Variants in FMN2 observed in about 807,000 individuals in gnomAD.
FMN2 encodes formin-2.
FMN2 carries 51 observed loss-of-function variants against 142.3 expected under a neutral mutation model. The ratio of observed to expected loss-of-function variants is 0.36; its 90% CI spans 0.29 to 0.45. FMN2 has a LOEUF of 0.45. FMN2 is among the 20% of genes least tolerant of loss of function. The pLI, the probability that FMN2 is intolerant of heterozygous loss-of-function variation, is 1.00. For missense variants in FMN2, 1,936 were observed against 2,122.8 expected (o/e 0.91, Z 1.73); for synonymous variants, 882 against 869.8 (o/e 1.01, Z -0.25).
chr1:240,420,825 G>A (rs77051422), intron 15 of FMN2, among the ~76,000 whole-genome samples: 4 of 152,242 alleles, frequency 2.6e-5, no homozygotes, highest in East Asian at 3.9e-4. Context: ...TCTCAGTCCC[G>A]GTTCTCGCAG....
chr1:240,306,924 A>G (rs572664575), intron 8 of FMN2, among the ~76,000 whole-genome samples: 17 of 152,156 alleles, frequency 1.1e-4, no homozygotes, highest in Admixed American at 6.5e-4. Flanking sequence ...ATTTTTTGAC[A>G]TTTTAGTAAT....
chr1:240,434,188 C>T (rs1297767802), intron 15 of FMN2, among the ~76,000 whole-genome samples: 1 of 152,188 alleles, frequency 6.6e-6, no homozygotes, highest in East Asian at 1.9e-4. Flanking sequence ...CTTTTAACTA[C>T]TACCTCTTCA....
chr1:240,295,046 A>C (rs1306750370), intron 8 of FMN2, among the ~76,000 whole-genome samples, 163 bp downstream of exon 8: 1 of 152,162 alleles, frequency 6.6e-6, no homozygotes, highest in Admixed American at 6.5e-5. Flanking sequence ...CTAGGAACAT[A>C]TCAAACAAAT....
At chr1:240,269,575 G>A (rs137896047) in intron 7 of FMN2, among the ~76,000 whole-genome samples, 34 of 151,854 alleles carry the variant, frequency 2.2e-4, no homozygotes, top group Non-Finnish European at 3.7e-4. Context: ...TTCTATTTCT[G>A]TGAAGAATGA....
chr1:240,185,510 A>G (rs958164949), intron 3 of FMN2, among the ~76,000 whole-genome samples: 1 of 152,220 alleles, frequency 6.6e-6, no homozygotes, highest in Non-Finnish European at 1.5e-5. Context: ...TGAATTAGAC[A>G]GAGAGGAGCT....
chr1:240,238,500 T>A (rs1256074802), intron 6 of FMN2, among the ~76,000 whole-genome samples: 1 of 152,206 alleles, frequency 6.6e-6, no homozygotes, highest in African/African-American at 2.4e-5. Flanking sequence ...TTTCAAGATA[T>A]TTAACTAGTT....
intron 2 of FMN2, among the ~76,000 whole-genome samples, chr1:240,139,113 C>T (rs1457667358): frequency 1.3e-5 from 2 of 152,078 alleles, no homozygotes; most frequent in South Asian, 2.1e-4. Context: ...TGATGCCGGT[C>T]GGGGACCACA....
At chr1:240,196,888 C>T (rs1456744941) in intron 4 of FMN2, among the ~76,000 whole-genome samples, 1 of 152,182 alleles carries the variant, frequency 6.6e-6, no homozygotes, top group Non-Finnish European at 1.5e-5. Context: ...AACTACAGGA[C>T]AGGCAAAGGA....
chr1:240,255,947 G>A (rs1291606978), intron 6 of FMN2, among the ~76,000 whole-genome samples: 1 of 152,142 alleles, frequency 6.6e-6, no homozygotes, highest in East Asian at 1.9e-4. Flanking sequence ...AATATTTAAG[G>A]TGAAATCAGA....
At chr1:240,293,643 A>G (rs539435762) in intron 7 of FMN2, among the ~76,000 whole-genome samples, 2 of 152,256 alleles carry the variant, frequency 1.3e-5, no homozygotes, top group South Asian at 4.1e-4. Context: ...TATATGGTCT[A>G]ATGAATAAGA....
chr1:240,393,385 A>G (rs891122023), intron 15 of FMN2, among the ~76,000 whole-genome samples: 2 of 152,178 alleles, frequency 1.3e-5, no homozygotes, highest in Admixed American at 1.3e-4. Context: ...GTTCTGGGAC[A>G]CCATGACCTG....
At chr1:240,422,368 A>G (rs1396066054) in intron 15 of FMN2, among the ~76,000 whole-genome samples, 2 of 152,182 alleles carry the variant, frequency 1.3e-5, no homozygotes, top group Non-Finnish European at 2.9e-5. Flanking sequence ...GAGTCTACCT[A>G]TTCATGAACA....
At chr1:240,336,528 G>C (rs968526999) in intron 13 of FMN2, among the ~76,000 whole-genome samples, 2 of 108,218 alleles carry the variant, frequency 1.8e-5, no homozygotes, top group African/African-American at 7.0e-5. Context: ...TTAAGTTAAA[G>C]TTAAAAGGAC....
At chr1:240,470,075 G>T (rs1676757385) in intron 16 of FMN2, among the ~76,000 whole-genome samples, 1 of 152,050 alleles carries the variant, frequency 6.6e-6, no homozygotes, top group Non-Finnish European at 1.5e-5. Flanking sequence ...AAAATAAATA[G>T]GATTGGGAGA....
chr1:240,092,169 C>A lies in FMN2; in HGVS notation c.60C>A (p.Gly20=), dbSNP rs1339121650. The A allele has an allele frequency of 6.3e-7, 1 of 1,575,372 alleles. No homozygotes were observed. The highest frequency in any genetic ancestry group is 1.2e-5 in the South Asian group (1 of 85,996). Residue 20 remains glycine, a synonymous_variant, in exon 1 of 18, where the codon GGC becomes GGA. Coordinates refer to ENST00000319653, the MANE Select transcript of FMN2 (RefSeq NM_020066.5). ...CAGGTGATGCTTTGCACGAAGGCGGCGGTGGCGCCGAGGATGCGCTGGGGC... is the reference window on the plus strand; with the variant it reads ...CAGGTGATGCTTTGCACGAAGGCGGAGGTGGCGCCGAGGATGCGCTGGGGC... The part of the protein sequence containing the change: ...RSAGDALHEG[G]GGAEDALGPR...
chr1:240,392,403 A>G (rs1215384686), intron 14 of FMN2, 108 bp from the exon 15 acceptor site: 11 of 781,746 alleles, frequency 1.4e-5, no homozygotes, highest in Admixed American at 7.4e-5. Context: ...TTGTAGTACA[A>G]TAGAATTAAT....
chr1:240,348,729 T>C (rs1395519606), intron 13 of FMN2, among the ~76,000 whole-genome samples: 21 of 152,294 alleles, frequency 1.4e-4, no homozygotes, highest in Non-Finnish European at 2.6e-4. Flanking sequence ...ACCCCCTAAA[T>C]ATTTCTTGTG....
intron 2 of FMN2, among the ~76,000 whole-genome samples, chr1:240,145,928 C>T (rs567994630): frequency 1.3e-5 from 2 of 152,202 alleles, no homozygotes; most frequent in South Asian, 2.1e-4. Flanking sequence ...AGCCTGCAGA[C>T]AGGGGTGCTC....
At chr1:240,148,739 G>A (rs936506208) in intron 2 of FMN2, among the ~76,000 whole-genome samples, 1 of 152,112 alleles carries the variant, frequency 6.6e-6, no homozygotes, top group African/African-American at 2.4e-5. Context: ...CCAGCACTTT[G>A]GGAGGCCGAG....
Sources: gnomAD v4.1 joint callset for allele counts (sites outside exome capture counted in the v4.1 genomes callset) on GRCh38, gnomAD v4.1.1 for gene constraint, MANE v1.5 for transcripts, NCBI Gene and HGNC (gene_info 2026-07-23, HGNC 2026-07-21) for gene names.